The following NUCKS1 variants were observed in gnomAD, a reference collection of about 807,000 sequenced individuals.
The protein encoded by NUCKS1 is nuclear casein kinase and cyclin dependent kinase substrate 1.
A neutral mutation model predicts 33.0 loss-of-function variants in NUCKS1; 2 were observed. The ratio of observed to expected loss-of-function variants is 0.06; its 90% CI spans 0.02 to 0.19. The LOEUF (loss-of-function observed/expected upper bound fraction) is 0.19. NUCKS1 is among the 10% of genes least tolerant of loss of function. The probability of loss-of-function intolerance (pLI) is 1.00; values close to 1 mark genes in which losing one functional copy is unlikely to be tolerated. For synonymous variants in NUCKS1, 106 were observed against 102.8 expected (o/e 1.03, Z -0.19); for missense variants, 201 against 293.6 (o/e 0.68, Z 2.31).
chr1:205,729,454 G>T, intron 2 of NUCKS1, 118 bp downstream of exon 2: 1 of 784,606 alleles, frequency 1.3e-6, no homozygotes, highest in Non-Finnish European at 2.2e-6. Flanking sequence ...ACATGGTTTT[G>T]GTAAATGATC....
At position 205,720,615 on chromosome 1, in the gene NUCKS1, GCA is replaced by G; in HGVS notation, c.266_267del (p.Val89AlafsTer9). On this transcript the variant is annotated frameshift_variant, in exon 5 of 7. Transcript: ENST00000367142. LOFTEE classifies it high-confidence loss of function. The stretch of plus-strand genomic sequence containing the variant: ...TTAGATGCCGCCTGCCGTTGTTGGC[GCA>G]CATTTTTATGATCTTCTTTTTCATC... Reference protein sequence around the residue: ...SEDEKEDHKNVRQQRQAASKA... With the variant: ...SEDEKEDHKNXRQQRQAASKA... The G allele has an allele frequency of 6.2e-7, 1 of 1,613,780 alleles. No individual in the cohort carries two copies. The highest frequency in any genetic ancestry group is 8.5e-7 in the Non-Finnish European group (1 of 1,179,940).
chr1:205,724,647 T>C (rs765356142), intron 3 of NUCKS1, among the ~76,000 whole-genome samples: 61 of 152,032 alleles, frequency 4.0e-4, no homozygotes, highest in Admixed American at 1.8e-3. Flanking sequence ...TGAGCTAGGA[T>C]TGCACCGCTG....
At chr1:205,722,699 A>C (rs1671943994) in intron 4 of NUCKS1, among the ~76,000 whole-genome samples, 1 of 152,232 alleles carries the variant, frequency 6.6e-6, no homozygotes, top group Non-Finnish European at 1.5e-5. Flanking sequence ...AGCCTAAAAA[A>C]AATTTTTTTA....
At position 205,718,049 on chromosome 1, in the gene NUCKS1, G is replaced by A. The variant is rs574282931; in HGVS notation, c.*231C>T. The stretch of plus-strand genomic sequence containing the variant: ...TGGCAAAGAGACCAATAGACAAAAA[G>A]GTAACTTAAACACTTACACATACAA... On this transcript the variant is annotated 3_prime_UTR_variant, in exon 7 of 7. Transcript: ENST00000367142. The A allele has an allele frequency of 8.8e-7, 1 of 1,139,766 alleles. No homozygotes were observed. Among genetic ancestry groups the A allele is most frequent in the South Asian group, 3.8e-5 (1 of 26,562 alleles). 70.6% of individuals were successfully genotyped at this position (1,139,766 alleles called of 1,614,324 possible).
chr1:205,749,006 A>C (rs1654402926), intron 1 of NUCKS1, among the ~76,000 whole-genome samples: 1 of 152,126 alleles, frequency 6.6e-6, no homozygotes, highest in Non-Finnish European at 1.5e-5. Flanking sequence ...CAGCTGGGGG[A>C]ATAGCAAACT....
chr1:205,744,534 A>G (rs2102449091), intron 1 of NUCKS1, among the ~76,000 whole-genome samples: 1 of 152,070 alleles, frequency 6.6e-6, no homozygotes, highest in Non-Finnish European at 1.5e-5. Context: ...AAGTTCTGAA[A>G]ATTAAGTATT....
At chr1:205,736,277 T>C (rs1168111691) in intron 1 of NUCKS1, among the ~76,000 whole-genome samples, 1 of 152,174 alleles carries the variant, frequency 6.6e-6, no homozygotes, top group Non-Finnish European at 1.5e-5. Flanking sequence ...TCTGACTTTA[T>C]GGCAAAGTTC....
At chr1:205,734,686 G>C (rs1653990727) in intron 1 of NUCKS1, among the ~76,000 whole-genome samples, 1 of 152,112 alleles carries the variant, frequency 6.6e-6, no homozygotes, top group Non-Finnish European at 1.5e-5. Flanking sequence ...CTGAAGTCAG[G>C]AGTTCAAGAC....
At chr1:205,732,844 A>G (rs150956535) in intron 1 of NUCKS1, among the ~76,000 whole-genome samples, 110 of 151,678 alleles carry the variant, frequency 7.3e-4, no homozygotes, top group Middle Eastern at 3.4e-3. Flanking sequence ...CAATAAAAAT[A>G]TATTTTCTTT....
chr1:205,749,133 G>A (rs1159542640), intron 1 of NUCKS1, among the ~76,000 whole-genome samples: 1 of 152,232 alleles, frequency 6.6e-6, no homozygotes, highest in African/African-American at 2.4e-5. Flanking sequence ...GCGGGTGAGA[G>A]TGGAACGAGA....
intron 1 of NUCKS1, 101 bp downstream of exon 1, chr1:205,749,856 G>A (rs1654446418): frequency 3.1e-6 from 4 of 1,301,138 alleles, no homozygotes; most frequent in Non-Finnish European, 4.3e-6. Context: ...GGCCGCGCGC[G>A]GCACCGGGGA....
chr1:205,717,631 C>A lies in NUCKS1; in HGVS notation c.*649G>T, dbSNP rs1410737270. 1 of 984,920 alleles carries A rather than the reference C, an allele frequency of 1.0e-6. No individual in the cohort carries two copies. The highest frequency in any genetic ancestry group is 1.8e-5 in the African/African-American group (1 of 57,116). 61.0% of individuals were successfully genotyped at this position (984,920 alleles called of 1,614,324 possible). A position where few individuals can be genotyped will look rare whatever the true frequency, so the allele number is the denominator to read the frequency against. ...CAAATAAGGTCAGGTAACCCCATTG[C>A]CCACCCTCCCTACAAGGTAAAAAAT... On this transcript the variant is annotated 3_prime_UTR_variant, in exon 7 of 7. Transcript: ENST00000367142.
chr1:205,717,669 TA>T lies in NUCKS1; in HGVS notation c.*610del. ...CAAGGTAAAAAATGAGTACTTTTAG[TA>T]ACAGTTCAGAATTCATCTTTATCTC... On this transcript the variant is annotated 3_prime_UTR_variant, in exon 7 of 7. Coordinates refer to ENST00000367142, the MANE Select transcript of NUCKS1 (RefSeq NM_022731.5). 1 of 985,268 alleles carries T rather than the reference TA, an allele frequency of 1.0e-6. No homozygotes were observed. The highest frequency in any genetic ancestry group is 1.2e-6 in the Non-Finnish European group (1 of 829,894). The allele number at this position is 985,268 out of a possible 1,614,324, so 61.0% of individuals were successfully genotyped here.
At chr1:205,736,787 C>T (rs183941738) in intron 1 of NUCKS1, among the ~76,000 whole-genome samples, 13 of 151,062 alleles carry the variant, frequency 8.6e-5, no homozygotes, top group East Asian at 3.9e-4. Context: ...GCCGAGATCA[C>T]GCCACTGCAC....
Position 205,742,911 on chromosome 1 carries a change from T to C in NUCKS1, c.17+7046A>G, listed in dbSNP as rs1571588378. ...CAACATGTGAGTCTCCTAGGTGCAGTCTCCAGTCTCAACAATCCAAAAAGC... is the reference window on the plus strand; with the variant it reads ...CAACATGTGAGTCTCCTAGGTGCAGCCTCCAGTCTCAACAATCCAAAAAGC... On this transcript the variant is annotated intron_variant, in intron 1 of 6. Transcript: ENST00000367142. Among the ~76,000 whole-genome samples the C allele has an allele frequency of 2.0e-5, 3 of 152,282 alleles. No homozygotes were observed. In the Middle Eastern group the frequency reaches 0.01, roughly 518 times the overall value.
At chr1:205,733,901 G>C (rs1378713453) in intron 1 of NUCKS1, among the ~76,000 whole-genome samples, 2 of 152,090 alleles carry the variant, frequency 1.3e-5, no homozygotes, top group East Asian at 1.9e-4. Flanking sequence ...AATTGAGACA[G>C]GGTCTTGTTC....
At chr1:205,749,915 A>T in intron 1 of NUCKS1, 42 bp downstream of exon 1, 1 of 1,106,210 alleles carries the variant, frequency 9.0e-7, no homozygotes, top group Non-Finnish European at 1.3e-6. Flanking sequence ...ACTCGCCCCC[A>T]TCCCCCTCCA....
chr1:205,740,659 T>C (rs114780666), intron 1 of NUCKS1, among the ~76,000 whole-genome samples: 2,006 of 151,780 alleles, frequency 0.013, 19 homozygotes, highest in South Asian at 0.027. Context: ...CCACAAGATA[T>C]GAGAAAGCAA....
At chr1:205,727,127 C>T (rs899351915) in intron 3 of NUCKS1, among the ~76,000 whole-genome samples, 2 of 152,054 alleles carry the variant, frequency 1.3e-5, no homozygotes, top group African/African-American at 4.8e-5. Context: ...CCATTCCCGG[C>T]CAATTTTTAA....
Sources: allele counts gnomAD v4.1 joint callset (sites outside exome capture counted in the v4.1 genomes callset), GRCh38; gene constraint gnomAD v4.1.1; transcripts MANE v1.5; gene names NCBI Gene and HGNC (gene_info 2026-07-23, HGNC 2026-07-21).